Variants in PRUNE2 observed in about 807,000 individuals in gnomAD.
PRUNE2 encodes prune homolog 2 with BCH domain, also known as protein prune homolog 2.
A neutral mutation model predicts 252.0 loss-of-function variants in PRUNE2; 164 were observed. The ratio of observed to expected loss-of-function variants is 0.65; its 90% CI spans 0.57 to 0.74. The LOEUF (loss-of-function observed/expected upper bound fraction) is 0.74. Among genes scored for constraint, PRUNE2 ranks in the 30% least tolerant of loss-of-function variants. The pLI is 0.00. For missense variants in PRUNE2, 3,495 were observed against 3,711.0 expected (o/e 0.94, Z 1.51); for synonymous variants, 1,292 against 1,350.2 (o/e 0.96, Z 0.94).
intron 9 of PRUNE2, among the ~76,000 whole-genome samples, chr9:76,662,913 TCTAGAAA>T (rs765735417): frequency 1.3e-5 from 2 of 152,120 alleles, no homozygotes. Context: ...GGTTGCTGTC[TCTAGAAA>T]CAGAGATAAA....
chr9:76,741,197 A>C (rs1374971531), intron 6 of PRUNE2, among the ~76,000 whole-genome samples: 2 of 152,324 alleles, frequency 1.3e-5, no homozygotes, highest in East Asian at 1.9e-4. Flanking sequence ...ATTTAAATAC[A>C]CTGACAGAAT....
intron 9 of PRUNE2, among the ~76,000 whole-genome samples, chr9:76,670,690 C>T (rs1047103435): frequency 2.1e-4 from 32 of 151,982 alleles, no homozygotes; most frequent in African/African-American, 6.7e-4. Flanking sequence ...TCTCCCAGCA[C>T]GCAGCTGGAG....
intron 1 of PRUNE2, among the ~76,000 whole-genome samples, chr9:76,904,517 T>G (rs1481326929): frequency 1.3e-5 from 2 of 152,258 alleles, no homozygotes; most frequent in Non-Finnish European, 2.9e-5. Context: ...TTGCCAAAAT[T>G]GTCTTTCATT....
At chr9:76,623,158 C>T (rs1287886673) in intron 17 of PRUNE2, among the ~76,000 whole-genome samples, 1 of 152,188 alleles carries the variant, frequency 6.6e-6, no homozygotes, top group Non-Finnish European at 1.5e-5. Flanking sequence ...TAAAAATTAA[C>T]AGCATAAGCA....
intron 6 of PRUNE2, chr9:76,783,725 C>CT (rs1197846839): frequency 1.3e-5 from 2 of 152,176 alleles, no homozygotes; most frequent in African/African-American, 4.8e-5. Flanking sequence ...AGAAAGGCTG[C>CT]TGACTTTACC....
chr9:76,615,715 A>G (rs1829150481), intron 18 of PRUNE2, among the ~76,000 whole-genome samples: 1 of 149,088 alleles, frequency 6.7e-6, no homozygotes, highest in Non-Finnish European at 1.5e-5. Flanking sequence ...GTCTGTTATT[A>G]TTAGCAGCAA....
rs545449661 is a variant in PRUNE2, at chr9:76,622,200, G to A, written c.9188+2252C>T. Among the ~76,000 whole-genome samples, 9 of 152,272 alleles carry A rather than the reference G, an allele frequency of 5.9e-5. No homozygotes were observed. The East Asian group carries it at 1.3e-3, about 23-fold the overall frequency. On this transcript the variant is annotated intron_variant, in intron 17 of 18. Coordinates refer to ENST00000376718, the MANE Select transcript of PRUNE2 (RefSeq NM_015225.3). Reference sequence around the variant, plus strand: ...TGAGCATCTACTATGTACCAGGCACGAGCATAGTGCTTCCTTTAGGAGGGA... The same window carrying A: ...TGAGCATCTACTATGTACCAGGCACAAGCATAGTGCTTCCTTTAGGAGGGA...
intron 1 of PRUNE2, among the ~76,000 whole-genome samples, chr9:76,871,108 C>T (rs1332255176): frequency 1.3e-5 from 2 of 152,200 alleles, no homozygotes; most frequent in Non-Finnish European, 2.9e-5. Flanking sequence ...GAATGAGGAT[C>T]ACCAAAGCCT....
intron 4 of PRUNE2, among the ~76,000 whole-genome samples, chr9:76,835,828 T>C (rs1387683570): frequency 2.0e-5 from 3 of 152,228 alleles, no homozygotes; most frequent in African/African-American, 7.2e-5. Flanking sequence ...TAATCCAGGC[T>C]ACTAAAATAG....
chr9:76,833,127 T>C (rs908977364), intron 4 of PRUNE2, among the ~76,000 whole-genome samples: 15 of 152,296 alleles, frequency 9.8e-5, no homozygotes, highest in African/African-American at 3.6e-4. Context: ...ACAATGGAAT[T>C]ATATCTTCAT....
At chr9:76,893,620 G>A (rs919270308) in intron 1 of PRUNE2, among the ~76,000 whole-genome samples, 1 of 152,252 alleles carries the variant, frequency 6.6e-6, no homozygotes, top group Admixed American at 6.5e-5. Flanking sequence ...TGTATGAATT[G>A]ATTTGTACAG....
At chr9:76,699,046 C>T (rs2045656273) in intron 9 of PRUNE2, among the ~76,000 whole-genome samples, 1 of 134,962 alleles carries the variant, frequency 7.4e-6, no homozygotes, top group Non-Finnish European at 1.6e-5. Flanking sequence ...CCACCCCCAC[C>T]CCCTCCCTCC....
At chr9:76,662,829 T>C (rs2133662085) in intron 9 of PRUNE2, among the ~76,000 whole-genome samples, 1 of 152,338 alleles carries the variant, frequency 6.6e-6, no homozygotes, top group African/African-American at 2.4e-5. Flanking sequence ...TAAAGAGAAA[T>C]ATCTCTTGTG....
chr9:76,710,126 C>T lies in PRUNE2; in HGVS notation c.2148G>A (p.Trp716Ter). ...KSLEFTKSGP[W>*]ESEFGQPELG... ...GTTCAGGCTGACCAAATTCAGACTC[C>T]CAGGGACCTGACTTTGTAAATTCGA... Residue 716 changes from tryptophan (W) to a stop codon, truncating the protein, a stop_gained, in exon 8 of 19, where the codon TGG becomes TGA. Transcript: ENST00000376718. LOFTEE classifies it high-confidence loss of function. 1 of 1,613,912 alleles carries T rather than the reference C, an allele frequency of 6.2e-7. No homozygotes were observed. The highest frequency in any genetic ancestry group is 2.2e-5 in the East Asian group (1 of 44,874).
intron 6 of PRUNE2, among the ~76,000 whole-genome samples, chr9:76,748,977 C>T (rs1469362831): frequency 6.6e-6 from 1 of 152,090 alleles, no homozygotes; most frequent in African/African-American, 2.4e-5. Context: ...TCCCGACCTC[C>T]GTAAGCAAGG....
chr9:76,868,842 G>T (rs1564471905), intron 1 of PRUNE2: 1 of 131,742 alleles, frequency 7.6e-6, no homozygotes, highest in African/African-American at 2.7e-5. Context: ...GGGGGTGGGG[G>T]GGGGGGCGGG....
intron 4 of PRUNE2, among the ~76,000 whole-genome samples, chr9:76,841,183 G>C (rs1424126220): frequency 6.6e-6 from 1 of 152,116 alleles, no homozygotes; most frequent in Admixed American, 6.5e-5. Flanking sequence ...AAGCAGGGTG[G>C]GGTATCGCCT....
At chr9:76,669,413 G>A (rs977083898) in intron 9 of PRUNE2, among the ~76,000 whole-genome samples, 9 of 152,048 alleles carry the variant, frequency 5.9e-5, no homozygotes, top group Non-Finnish European at 1.3e-4. Flanking sequence ...TCCGCCTCCT[G>A]GGTTCAAGTG....
chr9:76,872,640 CACA>C (rs1564479980), intron 1 of PRUNE2, among the ~76,000 whole-genome samples: 36 of 151,360 alleles, frequency 2.4e-4, no homozygotes, highest in African/African-American at 6.6e-4. Flanking sequence ...CACACACACA[CACA>C]CCCTCACACC....
Sources: allele counts gnomAD v4.1 joint callset (sites outside exome capture counted in the v4.1 genomes callset), GRCh38; gene constraint gnomAD v4.1.1; transcripts MANE v1.5; gene names NCBI Gene and HGNC (gene_info 2026-07-23, HGNC 2026-07-21).